The following NXN variants were observed in gnomAD, a reference collection of about 807,000 sequenced individuals.
NXN encodes nucleoredoxin.
In NXN, 16 loss-of-function variants were observed where a neutral mutation model predicts 48.6. The ratio of observed to expected loss-of-function variants is 0.33; its 90% CI spans 0.22 to 0.50. The LOEUF is 0.50. Ranked by LOEUF, NXN falls within the 20% of genes least tolerant of loss-of-function variation. The probability of loss-of-function intolerance (pLI) is 0.98; values close to 1 mark genes in which losing one functional copy is unlikely to be tolerated. For synonymous variants in NXN, 281 were observed against 269.6 expected (o/e 1.04, Z -0.41); for missense variants, 492 against 605.5 (o/e 0.81, Z 1.97).
chr17:825,654 G>T lies in NXN; in HGVS notation c.478+307C>A. 3.6e-6 allele frequency: 1 copy of T among 280,174 alleles called. No individual in the cohort carries two copies. Among genetic ancestry groups the T allele is most frequent in the Non-Finnish European group, 6.7e-6 (1 of 149,744 alleles). The allele number at this position is 280,174 out of a possible 1,614,324, so 17.4% of individuals were successfully genotyped here. ...GCCACGGATGCAGCACTAGAGGCCG[G>T]GGTCTGAGCTCTCCGCTTTCCCACA... is the stretch of plus-strand genomic sequence containing the variant. On this transcript the variant is annotated intron_variant, in intron 2 of 7. Coordinates refer to ENST00000336868, the MANE Select transcript of NXN (RefSeq NM_022463.5). This position sits in a 1 kb window ranked among gnomAD's most constrained non-coding sequence, Gnocchi z 4.1.
chr17:851,958 T>C (rs2067928054), intron 1 of NXN, among the ~76,000 whole-genome samples: 2 of 152,200 alleles, frequency 1.3e-5, no homozygotes, highest in South Asian at 4.1e-4. Flanking sequence ...TCTCCTGATC[T>C]AACCAGAGAC....
intron 1 of NXN, among the ~76,000 whole-genome samples, chr17:922,409 A>C (rs969526544): frequency 6.6e-6 from 1 of 152,016 alleles, no homozygotes; most frequent in African/African-American, 2.4e-5. Context: ...GTGCCACTGC[A>C]CTCCAGCCTG....
rs530597703 is a variant in NXN at position 846,872 on chromosome 17, G to T, written c.361-20794C>A. 7.8e-4 allele frequency among the ~76,000 whole-genome samples: 118 copies of T among 150,540 alleles called. 1 individual carries two copies. The South Asian group carries it at 0.013, about 16-fold the overall frequency. On this transcript the variant is annotated intron_variant, in intron 1 of 7. Transcript: ENST00000336868. The stretch of plus-strand genomic sequence containing the variant: ...AGAAAAAAGGAGAAAAATGGTGGGG[G>T]TGGAGGGGTACAATGAATTAAAGAA...
At chr17:814,705 A>G (rs73285792) in intron 5 of NXN, among the ~76,000 whole-genome samples, 12,233 of 152,196 alleles carry the variant, frequency 0.08, 822 homozygotes, top group African/African-American at 0.19. Flanking sequence ...CAGTACGGAG[A>G]GTATGGGATG....
At position 803,924 on chromosome 17, in the gene NXN, C is replaced by T. The variant is rs882931; in HGVS notation, c.1001-118G>A. ...AACGCCCGCCTGAGCGGCCCCTGAA[C>T]GGAAATGAACTTCCCCTTGGATGCA... On this transcript the variant is annotated intron_variant, in intron 6 of 7. Transcript: ENST00000336868. 7.3e-3 allele frequency: 9,742 copies of T among 1,327,294 alleles called. 372 individuals are homozygous for T. In the Admixed American group the frequency reaches 0.076, roughly 10 times the overall value. 82.2% of individuals were successfully genotyped at this position (1,327,294 alleles called of 1,614,324 possible).
intron 1 of NXN, among the ~76,000 whole-genome samples, chr17:845,367 T>A (rs1235484196): frequency 6.6e-6 from 1 of 151,302 alleles, no homozygotes; most frequent in Non-Finnish European, 1.5e-5. Context: ...CCTTCTAGAA[T>A]CCTACCGTCA....
rs111497459 is a variant in NXN, at chr17:956,634, C to T, written c.360+22685G>A. ...TTCACCGTGTTAGCCAGGATGGTCT[C>T]GATCTCCAGACCTCAGGTGATCCGT... is the stretch of plus-strand genomic sequence containing the variant. On this transcript the variant is annotated intron_variant, in intron 1 of 7. Coordinates refer to ENST00000336868, the MANE Select transcript of NXN (RefSeq NM_022463.5). This position sits in a 1 kb window ranked among gnomAD's most constrained non-coding sequence, Gnocchi z 4.1. Among the ~76,000 whole-genome samples the T allele has an allele frequency of 0.012, 1,865 of 152,218 alleles. 29 individuals carry two copies. Among genetic ancestry groups the T allele is most frequent in the African/African-American group, 0.041 (1,698 of 41,490 alleles).
chr17:837,525 G>A (rs910373069), intron 1 of NXN, among the ~76,000 whole-genome samples: 11 of 152,326 alleles, frequency 7.2e-5, no homozygotes, highest in Admixed American at 2.0e-4. Flanking sequence ...TCCTAGGTCA[G>A]CCAGAACAGA....
At chr17:921,288 C>T (rs2068748040) in intron 1 of NXN, among the ~76,000 whole-genome samples, 1 of 152,082 alleles carries the variant, frequency 6.6e-6, no homozygotes, top group African/African-American at 2.4e-5. Flanking sequence ...GGCTCAGCCC[C>T]AAGCTCCCTG....
chr17:939,950 T>C (rs944026769), intron 1 of NXN, among the ~76,000 whole-genome samples: 2 of 31,316 alleles, frequency 6.4e-5, no homozygotes, highest in Admixed American at 8.3e-4. Flanking sequence ...TTACCTTTTT[T>C]TTCTTATTTT....
In NXN at chr17:813,687, G is replaced by A. The variant is rs547736523; in HGVS notation, c.820+5752C>T. On this transcript the variant is annotated intron_variant, in intron 5 of 7. Coordinates refer to ENST00000336868, the MANE Select transcript of NXN (RefSeq NM_022463.5). ...TTTTTTTGTTTAAGAGACTACGGCC[G>A]GCCGGGCGCGGTGGCTCACGCCTGT... Among the ~76,000 whole-genome samples, 11 of 152,218 alleles carry A rather than the reference G, an allele frequency of 7.2e-5. No individual in the cohort carries two copies. In the East Asian group the frequency reaches 1.5e-3, roughly 21 times the overall value.
At chr17:841,285 G>A (rs199968786) in intron 1 of NXN, among the ~76,000 whole-genome samples, 1 of 152,218 alleles carries the variant, frequency 6.6e-6, no homozygotes, top group East Asian at 1.9e-4. Flanking sequence ...CACGCTGCAG[G>A]GGCGTCAAAG....
chr17:900,235 C>G, intron 1 of NXN, among the ~76,000 whole-genome samples: 1 of 151,860 alleles, frequency 6.6e-6, no homozygotes, highest in East Asian at 1.9e-4. Flanking sequence ...CATTGCACTC[C>G]AGCCTGGGCA....
intron 1 of NXN, among the ~76,000 whole-genome samples, chr17:961,058 A>G (rs2150628815): frequency 6.7e-6 from 1 of 150,286 alleles, no homozygotes; most frequent in Admixed American, 6.6e-5. Context: ...TGCTGGGATT[A>G]CAGCCGTGAG....
chr17:856,293 G>A (rs1032577731), intron 1 of NXN, among the ~76,000 whole-genome samples: 6 of 151,966 alleles, frequency 3.9e-5, no homozygotes, highest in African/African-American at 7.3e-5. Context: ...AAGAGGAGAC[G>A]GACATTCTAA....
intron 5 of NXN, among the ~76,000 whole-genome samples, chr17:817,675 A>T (rs1014085808): frequency 6.6e-6 from 1 of 151,558 alleles, no homozygotes; most frequent in Admixed American, 6.6e-5. Context: ...ATTCAGGAAA[A>T]AAAAAAAAAA....
At chr17:806,938 ACACACACACG>A (rs1319472228) in intron 5 of NXN, among the ~76,000 whole-genome samples, 18 of 151,334 alleles carry the variant, frequency 1.2e-4, no homozygotes, top group African/African-American at 3.9e-4. Flanking sequence ...ACACACACAC[ACACACACACG>A]CACGCGCCCA....
chr17:941,018 G>C lies in NXN; in HGVS notation c.360+38301C>G, dbSNP rs866641299. Reference sequence around the variant, plus strand: ...CACATCACACCTTCCTGGATTTACAGTGAACAAGATTCCAGGGTGCAGCCA... The same window carrying C: ...CACATCACACCTTCCTGGATTTACACTGAACAAGATTCCAGGGTGCAGCCA... On this transcript the variant is annotated intron_variant, in intron 1 of 7. Transcript: ENST00000336868. Among the ~76,000 whole-genome samples, 23 of 143,814 alleles carry C rather than the reference G, an allele frequency of 1.6e-4. No homozygotes were observed. The East Asian group carries it at 2.2e-3, about 14-fold the overall frequency. The allele number at this position is 143,814 out of a possible 152,430, so 94.3% of individuals were successfully genotyped here.
intron 1 of NXN, among the ~76,000 whole-genome samples, chr17:908,821 C>T (rs1208283224): frequency 1.3e-5 from 2 of 152,010 alleles, no homozygotes; most frequent in Non-Finnish European, 2.9e-5. Context: ...AATACACTCC[C>T]GGCTGGGTGC....
Sources: gnomAD v4.1 joint callset for allele counts (sites outside exome capture counted in the v4.1 genomes callset) on GRCh38, gnomAD v4.1.1 for gene constraint, Gnocchi (gnomAD v3.1) non-coding constraint, MANE v1.5 for transcripts, NCBI Gene and HGNC (gene_info 2026-07-23, HGNC 2026-07-21) for gene names.